PTPRR: variants seen among roughly 807,000 people sequenced by gnomAD.
PTPRR encodes receptor-type tyrosine-protein phosphatase R.
Under a neutral mutation model 77.2 loss-of-function variants are expected in PTPRR, and 38 were observed. The observed-to-expected ratio is 0.49, with a 90% confidence interval of 0.38 to 0.65. PTPRR has a LOEUF of 0.65. Ranked by LOEUF, PTPRR falls within the 30% of genes least tolerant of loss-of-function variation. The pLI, the probability that PTPRR is intolerant of heterozygous loss-of-function variation, is 0.00. For missense variants in PTPRR, 744 were observed against 799.2 expected (o/e 0.93, Z 0.83); for synonymous variants, 299 against 283.1 (o/e 1.06, Z -0.57).
At position 70,920,553 on chromosome 12, in the gene PTPRR, C is replaced by T. The variant is rs1592834222; in HGVS notation, c.-163G>A. 1.6e-6 allele frequency: 1 copy of T among 631,252 alleles called. No homozygotes were observed. 39.1% of individuals were successfully genotyped at this position (631,252 alleles called of 1,614,324 possible). ...TCTGTGGCGCCGACAGAAACCAGCA[C>T]CAGCTTCAACCTCCCTAAGAGAGGG... On this transcript the variant is annotated 5_prime_UTR_variant, in exon 1 of 14. It adds an upstream start codon to the 5' untranslated region. Coordinates refer to ENST00000283228, the MANE Select transcript of PTPRR (RefSeq NM_002849.4).
chr12:70,786,749 T>C (rs950238204), intron 2 of PTPRR, among the ~76,000 whole-genome samples: 3 of 152,234 alleles, frequency 2.0e-5, no homozygotes, highest in African/African-American at 7.2e-5. Flanking sequence ...TTTTCACTTT[T>C]CTGGTGAACT....
At chr12:70,720,675 G>T (rs1889218611) in intron 6 of PTPRR, among the ~76,000 whole-genome samples, 1 of 151,902 alleles carries the variant, frequency 6.6e-6, no homozygotes, top group African/African-American at 2.4e-5. Context: ...GTAGAGACAG[G>T]GTTTCTCCAT....
At chr12:70,805,811 T>A (rs1204421043) in intron 2 of PTPRR, among the ~76,000 whole-genome samples, 1 of 152,192 alleles carries the variant, frequency 6.6e-6, no homozygotes, top group Non-Finnish European at 1.5e-5. Context: ...TTGTAAGTTG[T>A]AGAGTTGAAA....
chr12:70,785,051 G>A (rs942075369), intron 2 of PTPRR, among the ~76,000 whole-genome samples: 2 of 152,120 alleles, frequency 1.3e-5, no homozygotes, highest in African/African-American at 4.8e-5. Context: ...GGTCAAAACG[G>A]CACATTTTAA....
intron 13 of PTPRR, among the ~76,000 whole-genome samples, chr12:70,654,635 T>C (rs559526577): frequency 6.6e-6 from 1 of 152,342 alleles, no homozygotes; most frequent in African/African-American, 2.4e-5. Context: ...CCCTCTTTGT[T>C]TTATTACTTC....
chr12:70,870,233 A>T (rs560870750), intron 2 of PTPRR, among the ~76,000 whole-genome samples: 132 of 152,306 alleles, frequency 8.7e-4, no homozygotes, highest in Non-Finnish European at 1.6e-3. Context: ...GAGCAACATG[A>T]TGGAAAGAAC....
chr12:70,660,806 G>T, intron 12 of PTPRR, 134 bp downstream of exon 12: 1 of 919,378 alleles, frequency 1.1e-6, no homozygotes, highest in Non-Finnish European at 1.6e-6. Context: ...AAATATTACA[G>T]ACTTAACCAA....
intron 2 of PTPRR, among the ~76,000 whole-genome samples, chr12:70,778,375 G>C (rs556386374): frequency 4.6e-5 from 7 of 151,888 alleles, no homozygotes; most frequent in African/African-American, 1.7e-4. Flanking sequence ...ATATTTCTTT[G>C]GGTTGATAGT....
chr12:70,750,904 C>CA (rs990522596), intron 5 of PTPRR, among the ~76,000 whole-genome samples: 6 of 139,064 alleles, frequency 4.3e-5, no homozygotes, highest in Non-Finnish European at 8.0e-5. Flanking sequence ...ATTTTTTAAA[C>CA]CCTTTTTTTT....
At chr12:70,904,374 A>G (rs1409670827) in intron 1 of PTPRR, among the ~76,000 whole-genome samples, 1 of 151,910 alleles carries the variant, frequency 6.6e-6, no homozygotes, top group African/African-American at 2.4e-5. Context: ...ACCACTCATC[A>G]GTAAAAAAAA....
intron 2 of PTPRR, among the ~76,000 whole-genome samples, chr12:70,789,374 G>A (rs2137008147): frequency 6.6e-6 from 1 of 151,992 alleles, no homozygotes; most frequent in East Asian, 1.9e-4. Context: ...TGGTGCTAGG[G>A]TCTTTATAGA....
intron 2 of PTPRR, among the ~76,000 whole-genome samples, chr12:70,838,711 CACAG>C (rs1393874432): frequency 6.6e-6 from 1 of 152,088 alleles, no homozygotes; most frequent in African/African-American, 2.4e-5. Flanking sequence ...CATGAGCAAA[CACAG>C]ACATAGAGTG....
chr12:70,730,841 TGAGA>T (rs1279913654), intron 6 of PTPRR, among the ~76,000 whole-genome samples: 2 of 126,990 alleles, frequency 1.6e-5, no homozygotes, highest in Non-Finnish European at 3.4e-5. Context: ...GGAGAGAGAA[TGAGA>T]GAGAGCAGAA....
chr12:70,912,010 T>G (rs539952026), intron 1 of PTPRR, among the ~76,000 whole-genome samples: 2 of 152,310 alleles, frequency 1.3e-5, no homozygotes, highest in South Asian at 4.1e-4. Flanking sequence ...ACATTTCCCC[T>G]TGTTTAAATT....
At chr12:70,804,474 A>G (rs1288028435) in intron 2 of PTPRR, among the ~76,000 whole-genome samples, 2 of 152,008 alleles carry the variant, frequency 1.3e-5, no homozygotes, top group Non-Finnish European at 2.9e-5. Context: ...TGGGAGGATC[A>G]CTTGAGCCTG....
chr12:70,755,387 A>G (rs1565683949), intron 4 of PTPRR, among the ~76,000 whole-genome samples: 1 of 152,140 alleles, frequency 6.6e-6, no homozygotes, highest in Non-Finnish European at 1.5e-5. Flanking sequence ...TTTATTTTTA[A>G]GGCTTTTAAA....
chr12:70,821,213 C>CTCTTTTTTTTT (rs1892003004), intron 2 of PTPRR, among the ~76,000 whole-genome samples: 1 of 31,972 alleles, frequency 3.1e-5, no homozygotes, highest in African/African-American at 9.3e-5. Flanking sequence ...GGGATCACTG[C>CTCTTTTTTTTT]TTTTTTTTTT....
intron 2 of PTPRR, among the ~76,000 whole-genome samples, chr12:70,843,911 G>A (rs1592788916): frequency 1.3e-5 from 2 of 151,052 alleles, no homozygotes; most frequent in East Asian, 3.9e-4. Context: ...TGCCTCCCAG[G>A]TTCAAGTGAT....
chr12:70,856,038 T>C (rs1450836433), intron 2 of PTPRR, among the ~76,000 whole-genome samples: 1 of 152,070 alleles, frequency 6.6e-6, no homozygotes. Flanking sequence ...CTATATCTCT[T>C]CAAGGACTGT....
Sources: gnomAD v4.1 joint callset for allele counts (sites outside exome capture counted in the v4.1 genomes callset) on GRCh38, gnomAD v4.1.1 for gene constraint, MANE v1.5 for transcripts, NCBI Gene and HGNC (gene_info 2026-07-23, HGNC 2026-07-21) for gene names.